The following PRELID2 variants were observed in gnomAD, a reference collection of about 807,000 sequenced individuals.
The protein encoded by PRELID2 is PRELI domain containing 2, also known as PRELI domain-containing protein 2.
In PRELID2, 25 loss-of-function variants were observed where a neutral mutation model predicts 28.4. The observed-to-expected ratio is 0.88, with a 90% CI of 0.64 to 1.23. The LOEUF is 1.23. PRELID2 is among the 50% of genes most tolerant of loss of function. PRELID2 has a pLI of 0.00. For missense variants in PRELID2, 201 were observed against 214.4 expected, an observed-to-expected ratio of 0.94 and a Z score of 0.39; for synonymous variants, 76 against 71.6, an observed-to-expected ratio of 1.06 and a Z score of -0.31.
intron 1 of PRELID2, among the ~76,000 whole-genome samples, chr5:145,561,009 CTT>C (rs76067294): frequency 3.5e-5 from 5 of 144,102 alleles, no homozygotes; most frequent in African/African-American, 5.0e-5. Flanking sequence ...GACTGTTTCA[CTT>C]TTTTTTTTTT....
intron 5 of PRELID2, among the ~76,000 whole-genome samples, chr5:145,787,694 C>T (rs887203324): frequency 6.6e-6 from 1 of 152,048 alleles, no homozygotes; most frequent in Non-Finnish European, 1.5e-5. Flanking sequence ...CATGCAACAA[C>T]ATGCCCAGAT....
chr5:145,280,822 T>A, the PRELID2 span, among the ~76,000 whole-genome samples: 1 of 150,576 alleles, frequency 6.6e-6, no homozygotes, highest in Non-Finnish European at 1.5e-5. Context: ...AAAAAACAGA[T>A]TGCTACATTT....
intron 1 of PRELID2, among the ~76,000 whole-genome samples, chr5:145,656,362 G>C (rs974146629): frequency 6.6e-6 from 1 of 152,112 alleles, no homozygotes; most frequent in African/African-American, 2.4e-5. Context: ...CAATGATCTA[G>C]AACTAGAAAT....
the PRELID2 span, among the ~76,000 whole-genome samples, chr5:145,256,149 A>G: frequency 0.081 from 12,332 of 151,766 alleles, 1,161 homozygotes; most frequent in African/African-American, 0.22. Context: ...AAAAAGAATC[A>G]ATTTTCTTGC....
chr5:145,539,574 T>C (rs1232645691), intron 1 of PRELID2, among the ~76,000 whole-genome samples: 1 of 151,964 alleles, frequency 6.6e-6, no homozygotes, highest in African/African-American at 2.4e-5. Flanking sequence ...TTTTGTATTA[T>C]AAAAAATATA....
At chr5:145,349,964 G>A in the PRELID2 span, among the ~76,000 whole-genome samples, 1 of 152,226 alleles carries the variant, frequency 6.6e-6, no homozygotes, top group African/African-American at 2.4e-5. Flanking sequence ...GGGCTCCCAA[G>A]AGGAATAAAA....
At chr5:145,619,107 C>T (rs1239143069) in intron 1 of PRELID2, among the ~76,000 whole-genome samples, 1 of 152,164 alleles carries the variant, frequency 6.6e-6, no homozygotes, top group Non-Finnish European at 1.5e-5. Flanking sequence ...AGGCTACCCG[C>T]CTCCCAGCTG....
chr5:145,508,265 T>C (rs1280622699), intron 1 of PRELID2, among the ~76,000 whole-genome samples: 3 of 145,442 alleles, frequency 2.1e-5, no homozygotes, highest in Non-Finnish European at 3.0e-5. Context: ...GACAGATAGA[T>C]AGATAGATAG....
At chr5:145,584,713 C>A (rs1300399385) in intron 1 of PRELID2, among the ~76,000 whole-genome samples, 1 of 152,086 alleles carries the variant, frequency 6.6e-6, no homozygotes. Flanking sequence ...TAGAGAAATG[C>A]AAATCAAAAC....
chr5:145,526,160 A>G (rs544528989), intron 1 of PRELID2, among the ~76,000 whole-genome samples: 2 of 152,300 alleles, frequency 1.3e-5, no homozygotes, highest in South Asian at 2.1e-4. Flanking sequence ...TCTTTTCTTC[A>G]ATCTTTACAA....
At chr5:145,344,843 A>G in the PRELID2 span, among the ~76,000 whole-genome samples, 1 of 152,056 alleles carries the variant, frequency 6.6e-6, no homozygotes, top group Non-Finnish European at 1.5e-5. Context: ...TCTTTAGTGA[A>G]TTGCCTGTTT....
rs193112542 is a variant in PRELID2, at chr5:145,656,001, A to G, written n.70+108930T>C. Among the ~76,000 whole-genome samples the G allele has an allele frequency of 4.7e-4, 71 of 152,346 alleles. 1 individual carries two copies. The East Asian group carries it at 0.012, about 26-fold the overall frequency. On this transcript the variant is annotated intron_variant and non_coding_transcript_variant, in intron 1 of 2. Coordinates refer to the PRELID2 transcript ENST00000510259. ...GGGAGAAAAATTTTGCAATCTACTC[A>G]TCTGACAAAAGGCTAATATCCAGAA...
At chr5:145,778,697 C>G (rs1758575960) in intron 5 of PRELID2, among the ~76,000 whole-genome samples, 1 of 152,220 alleles carries the variant, frequency 6.6e-6, no homozygotes. Context: ...TGGCTGTACT[C>G]CACGCTTGCT....
chr5:145,422,154 T>C, the PRELID2 span, among the ~76,000 whole-genome samples: 2 of 146,606 alleles, frequency 1.4e-5, no homozygotes, highest in Admixed American at 6.9e-5. Flanking sequence ...TACTTCCAAC[T>C]ATGTGGTCAA....
intron 1 of PRELID2, among the ~76,000 whole-genome samples, chr5:145,500,594 C>A (rs1057273909): frequency 4.6e-5 from 7 of 152,062 alleles, no homozygotes; most frequent in African/African-American, 1.7e-4. Flanking sequence ...CTATGGAGAG[C>A]TTTTGACCCA....
the PRELID2 span, among the ~76,000 whole-genome samples, chr5:145,317,917 G>T: frequency 6.6e-6 from 1 of 152,110 alleles, no homozygotes; most frequent in East Asian, 1.9e-4. Context: ...TAGACCCATA[G>T]ATCTCACTAT....
At chr5:145,573,217 C>T (rs912348920) in intron 1 of PRELID2, among the ~76,000 whole-genome samples, 11 of 152,168 alleles carry the variant, frequency 7.2e-5, no homozygotes, top group Non-Finnish European at 1.3e-4. Flanking sequence ...CCGTCTTCTA[C>T]ATTCTAGCAA....
the PRELID2 span, among the ~76,000 whole-genome samples, chr5:145,417,411 A>G: frequency 6.6e-6 from 1 of 152,206 alleles, no homozygotes. Context: ...GGCCAGCATC[A>G]TCCTGATACC....
chr5:145,775,228 A>G (rs1259458159), intron 5 of PRELID2, among the ~76,000 whole-genome samples: 2 of 151,942 alleles, frequency 1.3e-5, no homozygotes, highest in Non-Finnish European at 2.9e-5. Context: ...GAACAGAATG[A>G]GACTCCATCT....
Sources: allele counts gnomAD v4.1 joint callset (sites outside exome capture counted in the v4.1 genomes callset), GRCh38; gene constraint gnomAD v4.1.1; transcripts MANE v1.5; gene names NCBI Gene and HGNC (gene_info 2026-07-23, HGNC 2026-07-21).